The following BNC2 variants were observed in gnomAD, a reference collection of about 807,000 sequenced individuals.
BNC2 encodes the protein basonuclin zinc finger protein 2.
A neutral mutation model predicts 76.3 loss-of-function variants in BNC2; 20 were observed. That is an observed-to-expected ratio of 0.26 (90% confidence interval 0.18 to 0.38). The LOEUF is 0.38. Among genes scored for constraint, BNC2 ranks in the 10% least tolerant of loss-of-function variants. The pLI is 1.00. For missense variants in BNC2, 1,382 were observed against 1,399.8 expected (o/e 0.99, Z 0.20); for synonymous variants, 582 against 514.8 (o/e 1.13, Z -1.77).
At chr9:16,469,122 G>C (rs1030841465) in intron 5 of BNC2, among the ~76,000 whole-genome samples, 3 of 152,160 alleles carry the variant, frequency 2.0e-5, no homozygotes, top group African/African-American at 4.8e-5. Context: ...ACTAGGTACT[G>C]TATATGACTA....
rs1824751022 is a variant in BNC2, at chr9:16,738,617, AAT to A, written c.4-134_4-133del. ...CAACTAAACACATTTTTTAAGAGTT[AAT>A]AGTTTCTAAGGCTGATAGTAGCCAA... On this transcript the variant is annotated intron_variant, in intron 1 of 6. Transcript: ENST00000380672. 6.8e-6 allele frequency: 7 copies of A among 1,030,122 alleles called. No individual in the cohort carries two copies. The South Asian group carries it at 1.1e-4, about 16-fold the overall frequency. The allele number at this position is 1,030,122 out of a possible 1,614,324, so 63.8% of individuals were successfully genotyped here.
intron 5 of BNC2, among the ~76,000 whole-genome samples, chr9:16,516,511 C>T (rs1045153835): frequency 6.6e-6 from 1 of 152,130 alleles, no homozygotes; most frequent in Non-Finnish European, 1.5e-5. Flanking sequence ...GTCCAAATTA[C>T]ATACATAGGT....
intron 1 of BNC2, among the ~76,000 whole-genome samples, chr9:16,787,038 C>A (rs1465318263): frequency 6.6e-6 from 1 of 152,154 alleles, no homozygotes; most frequent in Admixed American, 6.5e-5. Context: ...GCAGAGGGGA[C>A]AGGAAGAGAG....
chr9:16,497,662 G>T (rs1822418324), intron 5 of BNC2, among the ~76,000 whole-genome samples: 1 of 151,986 alleles, frequency 6.6e-6, no homozygotes, highest in African/African-American at 2.4e-5. Context: ...AATACGTAGT[G>T]GCTAAGAAAA....
intron 5 of BNC2, among the ~76,000 whole-genome samples, chr9:16,474,681 G>T (rs1263257264): frequency 1.3e-5 from 2 of 152,078 alleles, no homozygotes; most frequent in South Asian, 2.1e-4. Flanking sequence ...TTCATATAGT[G>T]TAATAGAAAA....
Position 16,572,117 on chromosome 9 carries a change from G to T in BNC2, c.433+10866C>A, listed in dbSNP as rs116701412. Among the ~76,000 whole-genome samples, 423 of 152,092 alleles carry T rather than the reference G, an allele frequency of 2.8e-3. 2 individuals carry two copies. Among genetic ancestry groups the T allele is most frequent in the African/African-American group, 9.7e-3 (403 of 41,506 alleles). On this transcript the variant is annotated intron_variant, in intron 4 of 6. Transcript: ENST00000380672. ...TACCCTCAGATTTTTGCAGGCAAAG[G>T]AATATAAAAAAACTGGAAAGCCGAA...
At chr9:16,780,051 AT>A (rs1226482715) in intron 1 of BNC2, among the ~76,000 whole-genome samples, 1 of 151,536 alleles carries the variant, frequency 6.6e-6, no homozygotes, top group Admixed American at 6.6e-5. Context: ...CCTGGCTAAC[AT>A]GGTGAAACCC....
chr9:16,711,465 A>G (rs192389221), intron 3 of BNC2, among the ~76,000 whole-genome samples: 163 of 152,378 alleles, frequency 1.1e-3, no homozygotes, highest in African/African-American at 3.7e-3. Flanking sequence ...ACTAGGAAAA[A>G]AAGAACAGCA....
At chr9:16,500,397 C>T (rs140287851) in intron 5 of BNC2, among the ~76,000 whole-genome samples, 21 of 152,174 alleles carry the variant, frequency 1.4e-4, no homozygotes, top group Admixed American at 6.5e-4. Context: ...GCACTTGTCT[C>T]GGGAACCATA....
intron 1 of BNC2, among the ~76,000 whole-genome samples, chr9:16,790,973 A>C (rs1171085377): frequency 1.3e-5 from 2 of 152,092 alleles, no homozygotes; most frequent in Non-Finnish European, 2.9e-5. Context: ...TCACTGGGAG[A>C]CAAGAAGGCA....
chr9:16,479,057 G>C (rs1176358031), intron 5 of BNC2, among the ~76,000 whole-genome samples: 1 of 152,096 alleles, frequency 6.6e-6, no homozygotes, highest in African/African-American at 2.4e-5. Flanking sequence ...TTCGAGACCA[G>C]CCTGGTCAAC....
rs1262141075 is a variant in BNC2 at position 16,419,355 on chromosome 9, T to C, written c.2934A>G (p.Arg978=). The C allele has an allele frequency of 1.2e-6, 2 of 1,609,436 alleles. No homozygotes were observed. The highest frequency in any genetic ancestry group is 3.3e-5 in the Admixed American group (2 of 59,732). The change falls in exon 7 of 7, where the codon AGA becomes AGG. Residue 978 remains arginine (R), a synonymous_variant. Transcript: ENST00000380672. ...LQSSSSIHSS[R]ESDAGSDEGI... is the part of the protein sequence containing the mutation. ...CCTCATCGCTGCCTGCGTCGGATTCTCTGGAGGAATGGATACTGCTGCTGG... is the reference window on the plus strand; with the variant it reads ...CCTCATCGCTGCCTGCGTCGGATTCCCTGGAGGAATGGATACTGCTGCTGG...
intron 5 of BNC2, among the ~76,000 whole-genome samples, chr9:16,551,680 G>A (rs1818667522): frequency 6.6e-6 from 1 of 152,206 alleles, no homozygotes; most frequent in Non-Finnish European, 1.5e-5. Flanking sequence ...TGGATCCTGG[G>A]ATCTCCCAAA....
At chr9:16,523,077 G>A (rs1254601646) in intron 5 of BNC2, among the ~76,000 whole-genome samples, 1 of 152,184 alleles carries the variant, frequency 6.6e-6, no homozygotes, top group African/African-American at 2.4e-5. Context: ...ACTGGTGAGA[G>A]AAAACACAGG....
intron 5 of BNC2, among the ~76,000 whole-genome samples, chr9:16,547,446 T>A (rs1057487465): frequency 6.6e-6 from 1 of 152,240 alleles, no homozygotes; most frequent in Non-Finnish European, 1.5e-5. Flanking sequence ...CAGGTTTCCC[T>A]AGCCATTCAC....
At chr9:16,725,511 C>CA (rs1041869063) in intron 3 of BNC2, among the ~76,000 whole-genome samples, 24 of 150,916 alleles carry the variant, frequency 1.6e-4, no homozygotes, top group Admixed American at 5.9e-4. Context: ...CTAACTACAT[C>CA]AAAACCAAAA....
intron 1 of BNC2, among the ~76,000 whole-genome samples, chr9:16,785,783 G>A (rs1826276451): frequency 6.6e-6 from 1 of 150,470 alleles, no homozygotes; most frequent in Admixed American, 6.6e-5. Context: ...CTCCAGCCTG[G>A]GCAACAGAGC....
chr9:16,497,650 A>T (rs1822417940), intron 5 of BNC2, among the ~76,000 whole-genome samples: 1 of 152,190 alleles, frequency 6.6e-6, no homozygotes, highest in Non-Finnish European at 1.5e-5. Flanking sequence ...CGCTCTAAAG[A>T]AAATACGTAG....
intron 5 of BNC2, among the ~76,000 whole-genome samples, chr9:16,460,102 T>C (rs973603147): frequency 2.0e-5 from 3 of 152,304 alleles, no homozygotes; most frequent in South Asian, 4.1e-4. Flanking sequence ...ATAACAATTA[T>C]CAAAGTACCA....
Sources: allele counts gnomAD v4.1 joint callset (sites outside exome capture counted in the v4.1 genomes callset), GRCh38; gene constraint gnomAD v4.1.1; transcripts MANE v1.5; gene names NCBI Gene and HGNC (gene_info 2026-07-23, HGNC 2026-07-21).